ATRNL1: variants seen among roughly 807,000 people sequenced by gnomAD.
ATRNL1 encodes attractin-like protein 1.
A neutral mutation model predicts 182.7 loss-of-function variants in ATRNL1; 95 were observed. The ratio of observed to expected loss-of-function variants is 0.52; its 90% confidence interval spans 0.44 to 0.62. The LOEUF is 0.62. Ranked by LOEUF, ATRNL1 falls within the 20% of genes least tolerant of loss-of-function variation. The pLI is 0.00. For synonymous variants in ATRNL1, 576 were observed against 568.3 expected (o/e 1.01, Z -0.19); for missense variants, 1,471 against 1,679.5 (o/e 0.88, Z 2.17).
rs527346900 is a variant in ATRNL1, at chr10:115,818,185, G to A, written c.3904-29692G>A. On this transcript the variant is annotated intron_variant, in intron 27 of 28. Transcript: ENST00000355044. ...TAAAGTCCAGGGTTTATTTGATTCC[G>A]TTTTTTTTTTTTTTTTGGACAGTCA... 2.8e-3 allele frequency among the ~76,000 whole-genome samples: 368 copies of A among 130,692 alleles called. 1 individual carries two copies. Among genetic ancestry groups the A allele is most frequent in the Non-Finnish European group, 4.9e-3 (297 of 60,120 alleles). The allele number at this position is 130,692 out of a possible 152,430, so 85.7% of individuals were successfully genotyped here.
chr10:115,724,173 A>G (rs575422955), intron 26 of ATRNL1, among the ~76,000 whole-genome samples: 5 of 152,302 alleles, frequency 3.3e-5, no homozygotes, highest in African/African-American at 7.2e-5. Context: ...TTAATTTTCA[A>G]ATTTTCTTAA....
intron 27 of ATRNL1, among the ~76,000 whole-genome samples, chr10:115,796,835 T>C (rs1279911986): frequency 5.3e-5 from 8 of 152,206 alleles, no homozygotes; most frequent in Non-Finnish European, 1.2e-4. Flanking sequence ...AAATTAAATC[T>C]ATTGATTTAT....
intron 27 of ATRNL1, among the ~76,000 whole-genome samples, chr10:115,730,483 T>C (rs1555062380): frequency 1.3e-5 from 2 of 152,152 alleles, no homozygotes; most frequent in East Asian, 1.9e-4. Flanking sequence ...CATTTTCTTT[T>C]TGGAATTTTT....
In ATRNL1 at chr10:115,246,852, G is replaced by C. The variant is rs1399386788; in HGVS notation, c.1687+5127G>C. Among the ~76,000 whole-genome samples, 21 of 151,600 alleles carry C rather than the reference G, an allele frequency of 1.4e-4. 3 individuals are homozygous for C. The highest frequency in any genetic ancestry group is 7.2e-4 in the Admixed American group (11 of 15,246). On this transcript the variant is annotated intron_variant, in intron 10 of 28. Transcript: ENST00000355044. ...TGGGATTACAGGCGTGAGCCACCGC[G>C]CCCGGCCATCTCTCTCATTCTTAAC...
At chr10:115,446,047 GTAATA>G (rs1554966655) in intron 21 of ATRNL1, among the ~76,000 whole-genome samples, 4 of 152,016 alleles carry the variant, frequency 2.6e-5, no homozygotes, top group African/African-American at 9.7e-5. Context: ...TAATATTGGT[GTAATA>G]TAATATGCTT....
At chr10:115,381,462 G>GTTTTTT (rs1554951065) in intron 19 of ATRNL1, among the ~76,000 whole-genome samples, 2 of 42,502 alleles carry the variant, frequency 4.7e-5, no homozygotes, top group African/African-American at 2.0e-4. Context: ...TAGACATGGG[G>GTTTTTT]TTTCTTCACC....
chr10:115,381,952 G>A (rs561798593), intron 19 of ATRNL1, among the ~76,000 whole-genome samples: 11 of 152,022 alleles, frequency 7.2e-5, no homozygotes, highest in African/African-American at 2.4e-4. Flanking sequence ...TTGTTGAAAT[G>A]GCTGTTCTTC....
chr10:115,568,713 A>G (rs969486861), intron 26 of ATRNL1, among the ~76,000 whole-genome samples: 4 of 151,944 alleles, frequency 2.6e-5, no homozygotes, highest in African/African-American at 9.7e-5. Context: ...TTTTATTTCA[A>G]TTTAATTTAA....
At chr10:115,416,000 T>G (rs1459027960) in intron 20 of ATRNL1, among the ~76,000 whole-genome samples, 1 of 152,076 alleles carries the variant, frequency 6.6e-6, no homozygotes, top group African/African-American at 2.4e-5. Flanking sequence ...TCAAAGCTCA[T>G]CTTTTTCAGT....
intron 28 of ATRNL1, among the ~76,000 whole-genome samples, chr10:115,916,429 G>T (rs1555117247): frequency 6.6e-6 from 1 of 152,096 alleles, no homozygotes; most frequent in Non-Finnish European, 1.5e-5. Flanking sequence ...TCGGTCTATT[G>T]GTCATGCACC....
intron 28 of ATRNL1, among the ~76,000 whole-genome samples, chr10:115,882,469 ATACTTCATTCACATGTGCTATTTCG>A (rs1367242799): frequency 6.6e-6 from 1 of 152,098 alleles, no homozygotes; most frequent in South Asian, 2.1e-4. Flanking sequence ...CTGTATTTTC[ATACTTCATTCACATGTGCTATTTCG>A]TACTTCATTC....
intron 26 of ATRNL1, among the ~76,000 whole-genome samples, chr10:115,631,425 A>G (rs1312133893): frequency 1.3e-5 from 2 of 152,108 alleles, no homozygotes; most frequent in Non-Finnish European, 2.9e-5. Context: ...ACACATGCTA[A>G]CAAAGATTTT....
chr10:115,770,117 T>C (rs984737901), intron 27 of ATRNL1, among the ~76,000 whole-genome samples: 5 of 151,960 alleles, frequency 3.3e-5, no homozygotes, highest in Non-Finnish European at 7.4e-5. Flanking sequence ...GGGTCTAGGT[T>C]ATACTATTAC....
chr10:115,229,356 G>T (rs1849831460), intron 9 of ATRNL1, among the ~76,000 whole-genome samples: 1 of 151,942 alleles, frequency 6.6e-6, no homozygotes, highest in South Asian at 2.1e-4. Flanking sequence ...AGCGATAGAG[G>T]TTAATTTTAT....
chr10:115,532,294 T>G (rs1218864782), intron 25 of ATRNL1, among the ~76,000 whole-genome samples: 1 of 152,206 alleles, frequency 6.6e-6, no homozygotes, highest in Non-Finnish European at 1.5e-5. Context: ...TTGTGTCCTC[T>G]TTTATTTCAT....
intron 18 of ATRNL1, among the ~76,000 whole-genome samples, chr10:115,327,925 G>C (rs1159099813): frequency 6.6e-6 from 1 of 151,720 alleles, no homozygotes; most frequent in Non-Finnish European, 1.5e-5. Context: ...TCACACTCTG[G>C]GGACTGTTGT....
chr10:115,871,522 C>G (rs1426070042), intron 28 of ATRNL1, among the ~76,000 whole-genome samples: 1 of 143,588 alleles, frequency 7.0e-6, no homozygotes, highest in East Asian at 2.0e-4. Flanking sequence ...GACAATGAAC[C>G]ATTTGAAATC....
At chr10:115,746,017 C>A (rs782181957) in intron 27 of ATRNL1, among the ~76,000 whole-genome samples, 2 of 151,958 alleles carry the variant, frequency 1.3e-5, no homozygotes, top group Non-Finnish European at 2.9e-5. Context: ...TGAAATAACT[C>A]CATTATATAA....
At chr10:115,409,918 GT>G (rs578108330) in intron 20 of ATRNL1, among the ~76,000 whole-genome samples, 1 of 151,938 alleles carries the variant, frequency 6.6e-6, no homozygotes, top group African/African-American at 2.4e-5. Context: ...TTTATGGGGA[GT>G]TTTTTTTATC....
Sources: allele counts gnomAD v4.1 joint callset (sites outside exome capture counted in the v4.1 genomes callset), GRCh38; gene constraint gnomAD v4.1.1; transcripts MANE v1.5; gene names NCBI Gene and HGNC (gene_info 2026-07-23, HGNC 2026-07-21).